The following ERC2 variants were observed in gnomAD, a reference collection of about 807,000 sequenced individuals.
The protein encoded by ERC2 is ERC protein 2.
Under a neutral mutation model 114.8 loss-of-function variants are expected in ERC2, and 42 were observed. The ratio of observed to expected loss-of-function variants is 0.37; its 90% CI spans 0.29 to 0.47. The LOEUF (loss-of-function observed/expected upper bound fraction) is 0.47. Among genes scored for constraint, ERC2 ranks in the 20% least tolerant of loss-of-function variants. ERC2 has a pLI of 0.99. For synonymous variants in ERC2, 454 were observed against 425.5 expected (o/e 1.07, Z -0.82); for missense variants, 939 against 1,150.7 (o/e 0.82, Z 2.66).
At chr3:55,943,366 T>C (rs746159654) in intron 13 of ERC2, among the ~76,000 whole-genome samples, 6 of 152,150 alleles carry the variant, frequency 3.9e-5, no homozygotes, top group East Asian at 1.9e-4. Context: ...TAGAAGAAGA[T>C]ATAGATGCTC....
chr3:56,118,620 C>T (rs532564005), intron 6 of ERC2, among the ~76,000 whole-genome samples: 3 of 151,096 alleles, frequency 2.0e-5, no homozygotes, highest in East Asian at 3.9e-4. Context: ...AGGAAGTTCA[C>T]ACTAATATTC....
intron 2 of ERC2, among the ~76,000 whole-genome samples, chr3:56,397,383 A>G (rs1257167539): frequency 6.6e-6 from 1 of 151,508 alleles, no homozygotes; most frequent in East Asian, 1.9e-4. Context: ...AAGAATTCTC[A>G]GTTCCCAGTA....
At chr3:56,140,620 A>C (rs1249723584) in intron 5 of ERC2, among the ~76,000 whole-genome samples, 1 of 152,230 alleles carries the variant, frequency 6.6e-6, no homozygotes, top group Non-Finnish European at 1.5e-5. Context: ...TACTATAAAA[A>C]ATGCTATTCT....
intron 4 of ERC2, among the ~76,000 whole-genome samples, chr3:56,160,752 T>C (rs2082000003): frequency 1.3e-5 from 2 of 152,214 alleles, no homozygotes; most frequent in Non-Finnish European, 2.9e-5. Context: ...TCCCCATTAT[T>C]TACCTTTGTC....
At chr3:55,624,375 C>T (rs1490164881) in intron 17 of ERC2, among the ~76,000 whole-genome samples, 4 of 152,118 alleles carry the variant, frequency 2.6e-5, no homozygotes, top group African/African-American at 9.7e-5. Flanking sequence ...GACAATGTGT[C>T]GCCACGGGAG....
At chr3:56,215,169 A>C (rs1192152465) in intron 3 of ERC2, among the ~76,000 whole-genome samples, 2 of 152,192 alleles carry the variant, frequency 1.3e-5, no homozygotes, top group Admixed American at 6.5e-5. Context: ...AAATTGGCTA[A>C]ATGCTCCAAT....
At chr3:55,591,491 C>A (rs576778061) in intron 17 of ERC2, among the ~76,000 whole-genome samples, 1 of 151,940 alleles carries the variant, frequency 6.6e-6, no homozygotes, top group South Asian at 2.1e-4. Context: ...AGACCCAGGG[C>A]GAAGGCAGGG....
At chr3:55,615,473 A>G (rs915161086) in intron 17 of ERC2, among the ~76,000 whole-genome samples, 25 of 152,296 alleles carry the variant, frequency 1.6e-4, no homozygotes, top group Admixed American at 1.5e-3. Context: ...TAGAGCCTCC[A>G]TGAATCCAGG....
rs143304618 is a variant in ERC2, at chr3:56,140,039, T to C, written c.1306-363A>G. ...GAGGAGAGTCAATAGGGATCTAACA[T>C]GGGTAATTAAACCAAGGCATAACTC... is the stretch of plus-strand genomic sequence containing the variant. On this transcript the variant is annotated intron_variant, in intron 5 of 17. Transcript: ENST00000288221. 1.5e-3 allele frequency among the ~76,000 whole-genome samples: 230 copies of C among 152,262 alleles called. 1 individual carries two copies. Among genetic ancestry groups the C allele is most frequent in the African/African-American group, 5.2e-3 (218 of 41,550 alleles).
At chr3:56,163,557 T>A (rs150388323) in intron 4 of ERC2, among the ~76,000 whole-genome samples, 2 of 152,290 alleles carry the variant, frequency 1.3e-5, no homozygotes, top group East Asian at 3.9e-4. Flanking sequence ...GCTCCAGTGT[T>A]GGGTACATAC....
intron 4 of ERC2, among the ~76,000 whole-genome samples, chr3:56,173,056 A>G (rs1436694725): frequency 2.0e-5 from 3 of 152,222 alleles, no homozygotes; most frequent in African/African-American, 7.2e-5. Flanking sequence ...CACTGCATGT[A>G]AAATAACTTC....
intron 7 of ERC2, among the ~76,000 whole-genome samples, chr3:56,076,354 T>A (rs1168164341): frequency 6.6e-6 from 1 of 152,164 alleles, no homozygotes; most frequent in Non-Finnish European, 1.5e-5. Flanking sequence ...CTGAATTTGA[T>A]CGGGTTCAAA....
rs112517255 is a variant in ERC2, at chr3:55,780,006, T to C, written c.2565-45088A>G. 6.1e-3 allele frequency among the ~76,000 whole-genome samples: 928 copies of C among 152,272 alleles called. 14 individuals carry two copies. Among genetic ancestry groups the C allele is most frequent in the African/African-American group, 0.021 (879 of 41,554 alleles). On this transcript the variant is annotated intron_variant, in intron 14 of 17. Transcript: ENST00000288221. ...TAAATAAAAATTCAACAATTCTTGATATAAAATCACAGGAAACTAAGAATA... is the reference window on the plus strand; with the variant it reads ...TAAATAAAAATTCAACAATTCTTGACATAAAATCACAGGAAACTAAGAATA...
At chr3:56,384,671 T>G (rs1340711283) in intron 2 of ERC2, among the ~76,000 whole-genome samples, 1 of 152,174 alleles carries the variant, frequency 6.6e-6, no homozygotes, top group Non-Finnish European at 1.5e-5. Context: ...TTCACCTTGA[T>G]AGTGTTTTTG....
At chr3:55,600,007 T>C (rs930373110) in intron 17 of ERC2, among the ~76,000 whole-genome samples, 5 of 152,152 alleles carry the variant, frequency 3.3e-5, no homozygotes, top group African/African-American at 1.2e-4. Context: ...TGGAAGGGAA[T>C]TGACCACCCA....
intron 14 of ERC2, among the ~76,000 whole-genome samples, chr3:55,763,083 C>T (rs1021617994): frequency 8.5e-5 from 13 of 152,122 alleles, no homozygotes; most frequent in Admixed American, 3.3e-4. Flanking sequence ...TGAGGAATGA[C>T]TTGGATTTGG....
intron 3 of ERC2, among the ~76,000 whole-genome samples, chr3:56,195,592 A>G (rs1402263843): frequency 6.6e-6 from 1 of 151,596 alleles, no homozygotes; most frequent in African/African-American, 2.4e-5. Flanking sequence ...CACTTTGGGG[A>G]GTAGAGGTGG....
intron 12 of ERC2, among the ~76,000 whole-genome samples, chr3:55,951,234 T>G (rs991542948): frequency 4.6e-5 from 7 of 152,226 alleles, no homozygotes; most frequent in African/African-American, 1.7e-4. Context: ...TTCTAATTAT[T>G]ATTATTATTC....
intron 12 of ERC2, among the ~76,000 whole-genome samples, chr3:55,972,298 T>G (rs1415953684): frequency 6.6e-6 from 1 of 152,260 alleles, no homozygotes; most frequent in East Asian, 1.9e-4. Flanking sequence ...CTGGGATACA[T>G]GTGCAGAACG....
Sources: gnomAD v4.1 joint callset for allele counts (sites outside exome capture counted in the v4.1 genomes callset) on GRCh38, gnomAD v4.1.1 for gene constraint, MANE v1.5 for transcripts, NCBI Gene and HGNC (gene_info 2026-07-23, HGNC 2026-07-21) for gene names.